The following FAM81B variants were observed in gnomAD, a reference collection of about 807,000 sequenced individuals.
FAM81B encodes family with sequence similarity 81 member B, also known as protein FAM81B.
A neutral mutation model predicts 58.7 loss-of-function variants in FAM81B; 60 were observed. The observed-to-expected ratio is 1.02, with a 90% CI of 0.83 to 1.27. The LOEUF (loss-of-function observed/expected upper bound fraction) is 1.27, where lower values mean the gene tolerates loss of function less well. Among genes scored for constraint, FAM81B ranks in the 50% most tolerant of loss-of-function variants. The pLI is 0.00. For synonymous variants in FAM81B, 189 were observed against 179.6 expected, an observed-to-expected ratio of 1.05 and a Z score of -0.42; for missense variants, 491 against 522.0, an observed-to-expected ratio of 0.94 and a Z score of 0.58.
At chr5:95,428,264 C>T (rs1418406258) in intron 5 of FAM81B, among the ~76,000 whole-genome samples, 4 of 152,108 alleles carry the variant, frequency 2.6e-5, no homozygotes, top group Non-Finnish European at 2.9e-5. Context: ...TAGGCAGCAG[C>T]GTATATTTCC....
At chr5:95,426,791 G>A (rs988700964) in intron 5 of FAM81B, among the ~76,000 whole-genome samples, 1 of 152,208 alleles carries the variant, frequency 6.6e-6, no homozygotes, top group Non-Finnish European at 1.5e-5. Context: ...GCTCACGCCT[G>A]TAATCCCAGC....
At chr5:95,429,849 T>G (rs10476647) in intron 6 of FAM81B, among the ~76,000 whole-genome samples, 1 of 152,176 alleles carries the variant, frequency 6.6e-6, no homozygotes, top group Non-Finnish European at 1.5e-5. Flanking sequence ...TATTTTTTAA[T>G]CATGTTAAGG....
chr5:95,444,336 GA>G (rs1745473974), intron 7 of FAM81B, among the ~76,000 whole-genome samples: 2 of 152,178 alleles, frequency 1.3e-5, no homozygotes, highest in South Asian at 4.1e-4. Flanking sequence ...GTGTGCGTCA[GA>G]TGGTGATGAG....
chr5:95,433,082 T>G (rs1173731710), intron 6 of FAM81B, among the ~76,000 whole-genome samples: 1 of 152,194 alleles, frequency 6.6e-6, no homozygotes, highest in African/African-American at 2.4e-5. Flanking sequence ...TCCTAGAAAT[T>G]CTGCAATTGC....
intron 3 of FAM81B, among the ~76,000 whole-genome samples, chr5:95,410,321 A>G (rs527698804): frequency 1.3e-5 from 2 of 152,152 alleles, no homozygotes; most frequent in South Asian, 2.1e-4. Context: ...CAGCTGCTCT[A>G]CCTCTCCACT....
rs201540055 is a variant in FAM81B at position 95,424,448 on chromosome 5, T to TAAA, written c.656+4061_656+4063dup. On this transcript the variant is annotated intron_variant, in intron 5 of 9. Coordinates refer to ENST00000283357, the MANE Select transcript of FAM81B (RefSeq NM_152548.3). ...AATTAAGAACAAAAGACAAAGAATT[T>TAAA]AAAAAAAAAAAAAAAAAGGATTACT... 4.5e-5 allele frequency among the ~76,000 whole-genome samples: 6 copies of TAAA among 134,514 alleles called. No individual in the cohort carries two copies. The East Asian group carries it at 1.3e-3, about 28-fold the overall frequency. The allele number at this position is 134,514 out of a possible 152,430, so 88.2% of individuals were successfully genotyped here. A position where few individuals can be genotyped will look rare whatever the true frequency, so the allele number is the denominator to read the frequency against.
Position 95,414,146 on chromosome 5 carries a change from C to A in FAM81B, c.493C>A (p.Gln165Lys). 1 of 1,614,034 alleles carries A rather than the reference C, an allele frequency of 6.2e-7. No individual in the cohort carries two copies. The highest frequency in any genetic ancestry group is 8.5e-7 in the Non-Finnish European group (1 of 1,179,968). Residue 165 changes from glutamine to lysine, a missense_variant, in exon 4 of 10, where the codon CAG (glutamine) becomes AAG (lysine). Coordinates refer to ENST00000283357, the MANE Select transcript of FAM81B (RefSeq NM_152548.3). ...CAGGAAGTTACTGGAAAGCCACATC[C>A]AGACCATCACCAGCATCGTCAAAAA... ...LARKLLESHI[Q>K]TITSIVKKLS...
At chr5:95,440,706 A>T in intron 7 of FAM81B, 1 of 724,846 alleles carries the variant, frequency 1.4e-6, no homozygotes, top group African/African-American at 1.8e-5. Context: ...TTAGGACTTC[A>T]GCTTCTCACC....
At chr5:95,421,626 G>A (rs186069822) in intron 5 of FAM81B, among the ~76,000 whole-genome samples, 1 of 151,682 alleles carries the variant, frequency 6.6e-6, no homozygotes, top group Non-Finnish European at 1.5e-5. Context: ...TTAAGTAAGG[G>A]GGTGGCATAT....
intron 8 of FAM81B, among the ~76,000 whole-genome samples, 171 bp from the exon 9 acceptor site, chr5:95,448,097 CA>C (rs1745652382): frequency 6.6e-6 from 1 of 152,146 alleles, no homozygotes; most frequent in Non-Finnish European, 1.5e-5. Context: ...TACAAATGAA[CA>C]GGGCCAAAGG....
At chr5:95,448,671 C>A in intron 9 of FAM81B, 2 of 599,058 alleles carry the variant, frequency 3.3e-6, no homozygotes, top group Non-Finnish European at 6.0e-6. Context: ...TTGGCAATGT[C>A]ACAGGCCTGC....
At chr5:95,429,017 T>C (rs192443789) in intron 6 of FAM81B, among the ~76,000 whole-genome samples, 13 of 152,282 alleles carry the variant, frequency 8.5e-5, no homozygotes, top group African/African-American at 1.2e-4. Context: ...AGTAAAATTA[T>C]TTTTACTCAA....
intron 7 of FAM81B, among the ~76,000 whole-genome samples, chr5:95,438,887 C>T (rs552155560): frequency 6.6e-6 from 1 of 150,830 alleles, no homozygotes; most frequent in East Asian, 1.9e-4. Flanking sequence ...CCTCAATTTC[C>T]TCCTTGTTAA....
chr5:95,417,888 C>T (rs1762578578), intron 4 of FAM81B, among the ~76,000 whole-genome samples: 1 of 152,114 alleles, frequency 6.6e-6, no homozygotes, highest in African/African-American at 2.4e-5. Context: ...TTTCAGTTTG[C>T]TTTTTCTATC....
At chr5:95,398,876 G>C (rs1469450837) in intron 3 of FAM81B, among the ~76,000 whole-genome samples, 2 of 152,142 alleles carry the variant, frequency 1.3e-5, no homozygotes, top group Non-Finnish European at 2.9e-5. Context: ...GAACAGAAAG[G>C]GGGCAAGGAT....
intron 4 of FAM81B, among the ~76,000 whole-genome samples, chr5:95,417,786 A>G (rs1762575567): frequency 6.6e-6 from 1 of 152,204 alleles, no homozygotes; most frequent in Non-Finnish European, 1.5e-5. Context: ...AAAGATGAGA[A>G]GAGATGTATA....
At position 95,420,849 on chromosome 5, in the gene FAM81B, A is replaced by G. The variant is rs145765561; in HGVS notation, c.656+447A>G. Reference sequence around the variant, plus strand: ...CAAGATTTCTAAATCAAAAGAATTGATGGTATGCAGTTCAGCAAATATGTG... The same window carrying G: ...CAAGATTTCTAAATCAAAAGAATTGGTGGTATGCAGTTCAGCAAATATGTG... On this transcript the variant is annotated intron_variant, in intron 5 of 9. Coordinates refer to ENST00000283357, the MANE Select transcript of FAM81B (RefSeq NM_152548.3). Among the ~76,000 whole-genome samples, 933 of 152,334 alleles carry G rather than the reference A, an allele frequency of 6.1e-3. 6 individuals carry two copies. The highest frequency in any genetic ancestry group is 0.01 in the Non-Finnish European group (703 of 68,030).
At chr5:95,392,181 G>A (rs943543403) in intron 1 of FAM81B, among the ~76,000 whole-genome samples, 2 of 152,192 alleles carry the variant, frequency 1.3e-5, no homozygotes, top group Non-Finnish European at 2.9e-5. Flanking sequence ...CATAAAAAAG[G>A]ATGAGTTCAT....
intron 2 of FAM81B, 73 bp downstream of exon 2, chr5:95,392,970 A>T: frequency 2.3e-6 from 3 of 1,299,038 alleles, no homozygotes; most frequent in Non-Finnish European, 3.1e-6. Flanking sequence ...GAGTGCTTAG[A>T]GAGTTTAAGA....
Sources: gnomAD v4.1 joint callset for allele counts (sites outside exome capture counted in the v4.1 genomes callset) on GRCh38, gnomAD v4.1.1 for gene constraint, MANE v1.5 for transcripts, NCBI Gene and HGNC (gene_info 2026-07-23, HGNC 2026-07-21) for gene names.